CUX1: variants seen among roughly 807,000 people sequenced by gnomAD.
CUX1 encodes the protein protein CASP.
Under a neutral mutation model 158.8 loss-of-function variants are expected in CUX1, and 31 were observed. The ratio of observed to expected loss-of-function variants is 0.20; its 90% confidence interval spans 0.15 to 0.26. CUX1 has a LOEUF of 0.26. Among genes scored for constraint, CUX1 ranks in the 10% least tolerant of loss-of-function variants. The probability of loss-of-function intolerance (pLI) is 1.00; values close to 1 mark genes in which losing one functional copy is unlikely to be tolerated. For synonymous variants in CUX1, 879 were observed against 862.1 expected, an observed-to-expected ratio of 1.02 and a Z score of -0.34; for missense variants, 1,589 against 2,014.6, an observed-to-expected ratio of 0.79 and a Z score of 4.04.
intron 20 of CUX1, 138 bp from the exon 21 acceptor site, chr7:102,227,229 C>A: frequency 1.4e-6 from 1 of 733,768 alleles, no homozygotes; most frequent in Non-Finnish European, 2.3e-6. Flanking sequence ...TGAAACAGTT[C>A]ACTAAGACCC....
chr7:102,080,339 A>C (rs576518281), intron 4 of CUX1, among the ~76,000 whole-genome samples: 11 of 152,292 alleles, frequency 7.2e-5, no homozygotes, highest in African/African-American at 2.6e-4. Flanking sequence ...TCAGTCGCTC[A>C]TCAGCATGCT....
intron 1 of CUX1, among the ~76,000 whole-genome samples, chr7:101,847,065 G>A (rs1795781960): frequency 6.6e-6 from 1 of 152,146 alleles, no homozygotes; most frequent in Admixed American, 6.5e-5. Context: ...GATCGCTGGA[G>A]CCCAGGAGTT....
At chr7:102,036,279 T>G (rs1231137575) in intron 3 of CUX1, among the ~76,000 whole-genome samples, 1 of 151,968 alleles carries the variant, frequency 6.6e-6, no homozygotes, top group Non-Finnish European at 1.5e-5. Context: ...TAATGAAACT[T>G]TTGAAAAGCT....
chr7:101,831,223 C>T (rs1013863828), intron 1 of CUX1, among the ~76,000 whole-genome samples: 1 of 152,006 alleles, frequency 6.6e-6, no homozygotes, highest in African/African-American at 2.4e-5. Context: ...CTCCTGTGTG[C>T]CGGGCAGCAT....
intron 17 of CUX1, among the ~76,000 whole-genome samples, chr7:102,275,526 G>C (rs1791543606): frequency 6.6e-6 from 1 of 152,126 alleles, no homozygotes; most frequent in African/African-American, 2.4e-5. Flanking sequence ...GCCACACTGG[G>C]CTTTGAAAGA....
intron 1 of CUX1, among the ~76,000 whole-genome samples, chr7:101,818,436 C>T (rs945487719): frequency 6.6e-6 from 1 of 152,144 alleles, no homozygotes; most frequent in East Asian, 1.9e-4. Context: ...GCAAAATTGC[C>T]TGGAAAATGG....
chr7:101,948,581 C>T (rs972391835), intron 2 of CUX1, among the ~76,000 whole-genome samples: 1 of 152,176 alleles, frequency 6.6e-6, no homozygotes, highest in Admixed American at 6.5e-5. Context: ...TCCGAGTTCC[C>T]TTGAGTCTGG....
At chr7:102,122,789 T>C (rs531813969) in intron 8 of CUX1, among the ~76,000 whole-genome samples, 33 of 152,234 alleles carry the variant, frequency 2.2e-4, no homozygotes, top group Non-Finnish European at 2.2e-4. Context: ...CTCTCCTTCA[T>C]TGATGTTTAG....
chr7:101,911,506 T>G (rs772739764), intron 1 of CUX1, among the ~76,000 whole-genome samples: 2 of 152,226 alleles, frequency 1.3e-5, no homozygotes, highest in Non-Finnish European at 2.9e-5. Flanking sequence ...GCCGTGGCCT[T>G]GGCCTTGGTT....
In CUX1 at chr7:101,941,918, A is replaced by G. The variant is rs372254941; in HGVS notation, c.141+25693A>G. On this transcript the variant is annotated intron_variant, in intron 2 of 23. Coordinates refer to ENST00000292535, the MANE Select transcript of CUX1 (RefSeq NM_181552.4). ...TGTTAAAACCACAGACACAAGGGAA[A>G]GGTTTCTCTCTCTCCCTCCCCCTCT... Among the ~76,000 whole-genome samples the G allele has an allele frequency of 1.9e-4, 29 of 152,334 alleles. 1 individual carries two copies. In the East Asian group the frequency reaches 3.3e-3, roughly 17 times the overall value.
chr7:101,998,809 G>T (rs111904326), intron 2 of CUX1, among the ~76,000 whole-genome samples: 1 of 152,168 alleles, frequency 6.6e-6, no homozygotes, highest in Non-Finnish European at 1.5e-5. Context: ...CCCTCTAAAC[G>T]TCAGTGTCCA....
At chr7:101,995,107 G>A (rs915653009) in intron 2 of CUX1, among the ~76,000 whole-genome samples, 11 of 152,038 alleles carry the variant, frequency 7.2e-5, no homozygotes, top group Non-Finnish European at 1.2e-4. Context: ...AATTAAAAGA[G>A]AGAGAGAAAC....
intron 16 of CUX1, among the ~76,000 whole-genome samples, chr7:102,274,567 GA>G (rs1586522039): frequency 1.3e-5 from 2 of 152,362 alleles, no homozygotes; most frequent in East Asian, 3.9e-4. Flanking sequence ...AGTGAGCTAT[GA>G]TGGTGCCACT....
chr7:102,235,836 C>T (rs1399295950), intron 22 of CUX1, among the ~76,000 whole-genome samples: 2 of 141,166 alleles, frequency 1.4e-5, no homozygotes, highest in Non-Finnish European at 3.0e-5. Flanking sequence ...GGGTATGGAA[C>T]CCAGGCCTGT....
intron 2 of CUX1, chr7:101,932,664 T>C (rs1162077571): frequency 2.2e-6 from 1 of 445,804 alleles, no homozygotes; most frequent in Non-Finnish European, 4.5e-6. Context: ...TGCAGACAAG[T>C]ATATTTTCAT....
intron 21 of CUX1, among the ~76,000 whole-genome samples, chr7:102,233,851 C>T (rs527595436): frequency 6.6e-6 from 1 of 152,232 alleles, no homozygotes; most frequent in South Asian, 2.1e-4. Context: ...AAGAGCAATG[C>T]CAACTCCCTG....
At chr7:102,103,188 G>A (rs782772393) in intron 5 of CUX1, among the ~76,000 whole-genome samples, 6 of 152,230 alleles carry the variant, frequency 3.9e-5, no homozygotes, top group Non-Finnish European at 5.9e-5. Context: ...GCCAGTCACC[G>A]GAGCATCTTC....
At chr7:102,189,258 T>A (rs1206016888) in intron 11 of CUX1, among the ~76,000 whole-genome samples, 4 of 151,636 alleles carry the variant, frequency 2.6e-5, no homozygotes, top group African/African-American at 4.9e-5. Context: ...CAGGAAAGCC[T>A]CTCCTCCTGT....
intron 1 of CUX1, chr7:101,913,324 C>T (rs753359667): frequency 4.3e-4 from 547 of 1,262,008 alleles, no homozygotes; most frequent in Non-Finnish European, 5.1e-4. Flanking sequence ...TTTCCCATGC[C>T]GACCTGCATA....
Sources: gnomAD v4.1 joint callset for allele counts (sites outside exome capture counted in the v4.1 genomes callset) on GRCh38, gnomAD v4.1.1 for gene constraint, MANE v1.5 for transcripts, NCBI Gene and HGNC (gene_info 2026-07-23, HGNC 2026-07-21) for gene names.